Variants in PCGF5 observed in about 807,000 individuals in gnomAD.
PCGF5 encodes polycomb group RING finger protein 5.
A neutral mutation model predicts 44.3 loss-of-function variants in PCGF5; 9 were observed. The observed-to-expected ratio is 0.20, with a 90% confidence interval of 0.12 to 0.35. The LOEUF (loss-of-function observed/expected upper bound fraction) is 0.35. Among genes scored for constraint, PCGF5 ranks in the 10% least tolerant of loss-of-function variants. The pLI, the probability that PCGF5 is intolerant of heterozygous loss-of-function variation, is 1.00. For missense variants in PCGF5, 146 were observed against 305.3 expected, an observed-to-expected ratio of 0.48 and a Z score of 3.89; for synonymous variants, 95 against 102.5, an observed-to-expected ratio of 0.93 and a Z score of 0.44.
At chr10:91,160,817 C>A (rs1275537684), upstream of PCGF5, among the ~76,000 whole-genome samples, 1 of 152,132 alleles carries the variant, frequency 6.6e-6, no homozygotes, top group Non-Finnish European at 1.5e-5. Flanking sequence ...TTCTAGGCCT[C>A]GGGAAGAGAA....
At chr10:91,215,847 T>C (rs1052413266), upstream of PCGF5, among the ~76,000 whole-genome samples, 2 of 152,234 alleles carry the variant, frequency 1.3e-5, no homozygotes, top group African/African-American at 4.8e-5. Flanking sequence ...AATTTTGATA[T>C]ATTGCTCCAT....
intron 2 of PCGF5, among the ~76,000 whole-genome samples, chr10:91,238,741 A>T (rs1054845663): frequency 2.7e-5 from 4 of 150,562 alleles, no homozygotes; most frequent in African/African-American, 9.8e-5. Flanking sequence ...AACTTGGCAT[A>T]ATAAGGCAGT....
chr10:91,219,843 C>A (rs180750680), upstream of PCGF5, among the ~76,000 whole-genome samples: 357 of 152,144 alleles, frequency 2.3e-3, 1 homozygote, highest in African/African-American at 8.3e-3. Flanking sequence ...GCTGGACTAG[C>A]GGTTGTTAAG....
intron 2 of PCGF5, among the ~76,000 whole-genome samples, chr10:91,238,681 C>T (rs1363207088): frequency 8.2e-6 from 1 of 122,088 alleles, no homozygotes; most frequent in African/African-American, 3.1e-5. Flanking sequence ...GGGAAAAGAG[C>T]AAATACCAGC....
At chr10:91,237,681 T>G (rs972653113) in intron 2 of PCGF5, among the ~76,000 whole-genome samples, 14 of 151,972 alleles carry the variant, frequency 9.2e-5, no homozygotes, top group Middle Eastern at 3.2e-3. Flanking sequence ...GAGGCAGAGG[T>G]TGCAGTGAGC....
At chr10:91,172,088 A>C (rs1843618303) in intron 1 of PCGF5, among the ~76,000 whole-genome samples, 1 of 152,222 alleles carries the variant, frequency 6.6e-6, no homozygotes, top group Non-Finnish European at 1.5e-5. Flanking sequence ...CGTGTGGCAG[A>C]GCTAGCTCTC....
At chr10:91,232,462 A>C (rs1341291919) in intron 2 of PCGF5, among the ~76,000 whole-genome samples, 1 of 152,190 alleles carries the variant, frequency 6.6e-6, no homozygotes, top group Non-Finnish European at 1.5e-5. Flanking sequence ...ATAAATAGCT[A>C]ATAAGGGAAG....
At chr10:91,235,484 G>A (rs944230219) in intron 2 of PCGF5, among the ~76,000 whole-genome samples, 5 of 151,270 alleles carry the variant, frequency 3.3e-5, no homozygotes, top group South Asian at 2.1e-4. Flanking sequence ...CAGGAGGATC[G>A]CTTTAATGTG....
At chr10:91,250,545 C>G (rs2133378000) in intron 5 of PCGF5, among the ~76,000 whole-genome samples, 1 of 149,096 alleles carries the variant, frequency 6.7e-6, no homozygotes, top group East Asian at 2.0e-4. Context: ...ATACCCTGAC[C>G]ACTGTGAGAG....
chr10:91,157,894 C>G, the PCGF5 span, among the ~76,000 whole-genome samples: 3 of 152,110 alleles, frequency 2.0e-5, no homozygotes, highest in Non-Finnish European at 4.4e-5. Context: ...CTTCCAACTT[C>G]CTAGAGGAAG....
chr10:91,203,833 G>A (rs574429606), intron 1 of PCGF5, among the ~76,000 whole-genome samples: 3 of 152,156 alleles, frequency 2.0e-5, no homozygotes, highest in Admixed American at 2.0e-4. Context: ...AAAAACAAGT[G>A]TATATATTTA....
intron 8 of PCGF5, among the ~76,000 whole-genome samples, chr10:91,267,914 A>G (rs1303976635): frequency 6.6e-6 from 1 of 152,110 alleles, no homozygotes; most frequent in Non-Finnish European, 1.5e-5. Context: ...TCTTGTTTCT[A>G]TTGCTTTTTT....
chr10:91,237,369 G>C (rs1845193442), intron 2 of PCGF5, among the ~76,000 whole-genome samples: 1 of 152,120 alleles, frequency 6.6e-6, no homozygotes, highest in South Asian at 2.1e-4. Context: ...TCTTAAAGTT[G>C]TCTTTTACTA....
At chr10:91,200,871 T>A (rs891049691) in intron 1 of PCGF5, among the ~76,000 whole-genome samples, 1 of 152,152 alleles carries the variant, frequency 6.6e-6, no homozygotes, top group Non-Finnish European at 1.5e-5. Flanking sequence ...AATATTAACC[T>A]AGAGCTTGCT....
intron 1 of PCGF5, among the ~76,000 whole-genome samples, chr10:91,172,261 A>T (rs1843622242): frequency 6.6e-6 from 1 of 152,148 alleles, no homozygotes; most frequent in African/African-American, 2.4e-5. Context: ...CCTATTAAAA[A>T]TACAGAAATT....
At chr10:91,165,418 C>T (rs1333395603) in intron 1 of PCGF5, among the ~76,000 whole-genome samples, 1 of 152,180 alleles carries the variant, frequency 6.6e-6, no homozygotes, top group Non-Finnish European at 1.5e-5. Flanking sequence ...ATTTCCATAT[C>T]TTCCCTCCCC....
intron 3 of PCGF5, among the ~76,000 whole-genome samples, chr10:91,246,786 A>T (rs1845469576): frequency 6.6e-6 from 1 of 151,994 alleles, no homozygotes; most frequent in Non-Finnish European, 1.5e-5. Flanking sequence ...AATTTAGTTT[A>T]AAAAAAGCGA....
chr10:91,189,450 A>G (rs1315656036), intron 1 of PCGF5, among the ~76,000 whole-genome samples: 1 of 150,996 alleles, frequency 6.6e-6, no homozygotes, highest in Non-Finnish European at 1.5e-5. Flanking sequence ...AATGAATATA[A>G]GATTTCTCTG....
chr10:91,237,722 C>T (rs1046678527), intron 2 of PCGF5, among the ~76,000 whole-genome samples: 8 of 150,752 alleles, frequency 5.3e-5, no homozygotes, highest in African/African-American at 2.0e-4. Flanking sequence ...CTAGCCTAGG[C>T]GACAGAGTGA....
Sources: gnomAD v4.1 joint callset for allele counts (sites outside exome capture counted in the v4.1 genomes callset) on GRCh38, gnomAD v4.1.1 for gene constraint, MANE v1.5 for transcripts, NCBI Gene and HGNC (gene_info 2026-07-23, HGNC 2026-07-21) for gene names.